TENM1: variants seen among roughly 807,000 people sequenced by gnomAD.
The protein encoded by TENM1 is teneurin-1.
TENM1 carries 35 observed loss-of-function variants against 174.8 expected under a neutral mutation model. That is an observed-to-expected ratio of 0.20 (90% CI 0.15 to 0.27). TENM1 has a LOEUF of 0.27. TENM1 is among the 10% of genes least tolerant of loss of function. The pLI, the probability that TENM1 is intolerant of heterozygous loss-of-function variation, is 1.00. For missense variants in TENM1, 1,633 were observed against 2,130.1 expected, an observed-to-expected ratio of 0.77 and a Z score of 4.59; for synonymous variants, 781 against 798.7, an observed-to-expected ratio of 0.98 and a Z score of 0.37.
At chrX:124,414,974 G>A (rs1021861493) in intron 25 of TENM1, among the ~76,000 whole-genome samples, 8 of 111,382 alleles carry the variant, frequency 7.2e-5, no homozygotes, top group South Asian at 3.8e-4. Flanking sequence ...CTTTTACCTC[G>A]GGGAATTACT....
intron 3 of TENM1, among the ~76,000 whole-genome samples, chrX:124,751,380 T>C (rs1248165931): frequency 8.9e-6 from 1 of 111,746 alleles, no homozygotes; most frequent in Non-Finnish European, 1.9e-5. Context: ...ACATGTTAGA[T>C]TACAACAATA....
At chrX:125,057,357 T>TAC in the TENM1 span, among the ~76,000 whole-genome samples, 4,359 of 90,589 alleles carry the variant, frequency 0.048, 76 homozygotes, top group Non-Finnish European at 0.06. Context: ...TATACATACA[T>TAC]ACACACACAC....
chrX:124,463,836 GGTGTGTGTGTGTGT>G (rs61128914), intron 22 of TENM1, among the ~76,000 whole-genome samples: 170 of 90,938 alleles, frequency 1.9e-3, no homozygotes, highest in Non-Finnish European at 3.0e-3. Flanking sequence ...TAGAGGTTGG[GGTGTGTGTGTGTGT>G]GTGTGTGTGT....
intron 23 of TENM1, among the ~76,000 whole-genome samples, chrX:124,431,720 A>G (rs1185844871): frequency 1.8e-5 from 2 of 111,976 alleles, no homozygotes; most frequent in Non-Finnish European, 3.8e-5. Flanking sequence ...TTGCTTTTAA[A>G]AAGTGGAAAT....
chrX:124,976,143 TATTA>T, the TENM1 span, among the ~76,000 whole-genome samples: 1 of 111,511 alleles, frequency 9.0e-6, no homozygotes, highest in African/African-American at 3.2e-5. Flanking sequence ...ACTTAGTTAA[TATTA>T]ATTATAACTA....
At position 124,546,814 on chromosome X, in the gene TENM1, T is replaced by C. The variant is rs190138198; in HGVS notation, c.2651+60A>G. 1.9e-4 allele frequency: 169 copies of C among 913,186 alleles called. 1 individual carries two copies. In the African/African-American group the frequency reaches 2.7e-3, roughly 15 times the overall value. 75.3% of individuals were successfully genotyped at this position (913,186 alleles called of 1,213,427 possible). ...CTGATCCTTAGAAGATATCTTCCTTTCGTAGTTCAGGAAAAACATGACCAT... is the reference window on the plus strand; with the variant it reads ...CTGATCCTTAGAAGATATCTTCCTTCCGTAGTTCAGGAAAAACATGACCAT... On this transcript the variant is annotated intron_variant, in intron 15 of 31. Coordinates refer to ENST00000422452, the Ensembl canonical transcript of TENM1.
chrX:125,078,350 G>A, the TENM1 span, among the ~76,000 whole-genome samples: 56 of 111,886 alleles, frequency 5.0e-4, no homozygotes, highest in Non-Finnish European at 9.8e-4. Flanking sequence ...CGGCAATGCA[G>A]TGTTTGCAAT....
chrX:124,463,836 G>GGTGTGTGT (rs61128914), intron 22 of TENM1, among the ~76,000 whole-genome samples: 32 of 90,941 alleles, frequency 3.5e-4, no homozygotes, highest in East Asian at 6.8e-4. Context: ...TAGAGGTTGG[G>GGTGTGTGT]GTGTGTGTGT....
intron 16 of TENM1, among the ~76,000 whole-genome samples, chrX:124,524,126 T>A (rs183584263): frequency 2.7e-5 from 3 of 111,122 alleles, no homozygotes; most frequent in African/African-American, 9.8e-5. Flanking sequence ...TTCACCCGCC[T>A]TGGCCTCCCA....
At chrX:125,145,691 C>T in the TENM1 span, among the ~76,000 whole-genome samples, 1 of 112,175 alleles carries the variant, frequency 8.9e-6, no homozygotes, top group Non-Finnish European at 1.9e-5. Context: ...AATTCTTCAT[C>T]CATTTCACTT....
chrX:124,699,362 CAG>C (rs1189213148), intron 5 of TENM1, among the ~76,000 whole-genome samples: 1 of 110,843 alleles, frequency 9.0e-6, no homozygotes, highest in Non-Finnish European at 1.9e-5. Context: ...ATCTATTTCA[CAG>C]AGTCTCATTT....
At chrX:124,775,733 AT>A (rs958500827) in intron 3 of TENM1, among the ~76,000 whole-genome samples, 3 of 112,136 alleles carry the variant, frequency 2.7e-5, no homozygotes, top group African/African-American at 6.5e-5. Context: ...GAGCTGCTCA[AT>A]TAACCAACCC....
chrX:124,756,884 G>A (rs183691883), intron 3 of TENM1, among the ~76,000 whole-genome samples: 18 of 111,694 alleles, frequency 1.6e-4, no homozygotes, highest in African/African-American at 3.9e-4. Flanking sequence ...GCCGTGTGAG[G>A]TGTCAGTGTG....
At chrX:124,928,646 G>T (rs1342226256) in intron 1 of TENM1, among the ~76,000 whole-genome samples, 1 of 111,911 alleles carries the variant, frequency 8.9e-6, no homozygotes, top group Non-Finnish European at 1.9e-5. Flanking sequence ...ACACTTTTAT[G>T]TTTAACATAA....
intron 22 of TENM1, among the ~76,000 whole-genome samples, chrX:124,477,877 T>C (rs1341761658): frequency 9.0e-6 from 1 of 111,182 alleles, no homozygotes; most frequent in African/African-American, 3.3e-5. Flanking sequence ...AAAAAATAAC[T>C]TTTATTTTAG....
intron 1 of TENM1, among the ~76,000 whole-genome samples, chrX:124,946,172 T>C (rs1051278027): frequency 7.2e-5 from 8 of 111,085 alleles, no homozygotes; most frequent in Non-Finnish European, 1.5e-4. Flanking sequence ...AAACGTGTTG[T>C]TAGTGTATAT....
intron 1 of TENM1, among the ~76,000 whole-genome samples, chrX:124,902,523 T>C (rs975124058): frequency 8.9e-6 from 1 of 112,511 alleles, no homozygotes; most frequent in Non-Finnish European, 1.9e-5. Flanking sequence ...TAATAATTCA[T>C]TACTGGCTCC....
intron 11 of TENM1, among the ~76,000 whole-genome samples, chrX:124,593,037 G>C (rs1274151722): frequency 9.0e-6 from 1 of 111,493 alleles, no homozygotes; most frequent in Non-Finnish European, 1.9e-5. Context: ...GATTCATGCA[G>C]TGCAGAGTGC....
intron 1 of TENM1, among the ~76,000 whole-genome samples, chrX:124,920,200 A>G (rs2057997719): frequency 8.9e-6 from 1 of 111,791 alleles, no homozygotes; most frequent in African/African-American, 3.2e-5. Flanking sequence ...TTATTGTTTG[A>G]AAAATGCAGA....
Sources: gnomAD v4.1 joint callset for allele counts (sites outside exome capture counted in the v4.1 genomes callset) on GRCh38, gnomAD v4.1.1 for gene constraint, MANE v1.5 for transcripts, NCBI Gene and HGNC (gene_info 2026-07-23, HGNC 2026-07-21) for gene names.